The following MND1 variants were observed in gnomAD, a reference collection of about 807,000 sequenced individuals.
MND1 encodes the protein meiotic nuclear division protein 1 homolog.
MND1 carries 28 observed loss-of-function variants against 35.1 expected under a neutral mutation model. That is an observed-to-expected ratio of 0.80 (90% CI 0.59 to 1.09). MND1 has a LOEUF of 1.09. Ranked by LOEUF, MND1 falls within the 50% of genes least tolerant of loss-of-function variation. The probability of loss-of-function intolerance (pLI) is 0.00; values close to 1 mark genes in which losing one functional copy is unlikely to be tolerated. For synonymous variants in MND1, 69 were observed against 70.5 expected (o/e 0.98, Z 0.11); for missense variants, 213 against 239.6 (o/e 0.89, Z 0.73).
intron 2 of MND1, among the ~76,000 whole-genome samples, chr4:153,350,738 G>T (rs1405171774): frequency 6.6e-6 from 1 of 152,098 alleles, no homozygotes; most frequent in Admixed American, 6.5e-5. Flanking sequence ...ACTGTTACTG[G>T]AAGGCTTTTC....
At chr4:153,390,935 G>T (rs992673420) in intron 4 of MND1, among the ~76,000 whole-genome samples, 2 of 145,874 alleles carry the variant, frequency 1.4e-5, no homozygotes, top group Non-Finnish European at 3.0e-5. Context: ...GTGTGTGTGT[G>T]TGTGTGTATA....
intron 4 of MND1, among the ~76,000 whole-genome samples, chr4:153,369,716 G>A (rs1186733104): frequency 6.6e-6 from 1 of 152,088 alleles, no homozygotes; most frequent in Non-Finnish European, 1.5e-5. Flanking sequence ...GATGGCTATA[G>A]TCGTTTTTTA....
At chr4:153,381,060 C>T (rs191055210) in intron 4 of MND1, among the ~76,000 whole-genome samples, 18 of 152,074 alleles carry the variant, frequency 1.2e-4, no homozygotes, top group Admixed American at 3.3e-4. Context: ...CCACCACACC[C>T]GGCTAATTTT....
At chr4:153,397,544 C>G (rs142801495) in intron 6 of MND1, among the ~76,000 whole-genome samples, 4 of 152,138 alleles carry the variant, frequency 2.6e-5, no homozygotes, top group African/African-American at 9.6e-5. Flanking sequence ...GTGCCGGGCA[C>G]GTTGGCTTAT....
In MND1 at chr4:153,397,169, A is replaced by G. The variant is rs138565960; in HGVS notation, c.352-50A>G. ...GTTATAAAATGTATTACCTTACAAC[A>G]TATAGAATTTTGTTTGTCTTAATTG... is the stretch of plus-strand genomic sequence containing the variant. On this transcript the variant is annotated intron_variant, in intron 5 of 7. Coordinates refer to ENST00000240488, the MANE Select transcript of MND1 (RefSeq NM_032117.4). The G allele has an allele frequency of 1.4e-5, 18 of 1,272,308 alleles. No individual in the cohort carries two copies. The East Asian group carries it at 2.4e-4, about 17-fold the overall frequency. The allele number at this position is 1,272,308 out of a possible 1,614,324, so 78.8% of individuals were successfully genotyped here.
intron 4 of MND1, among the ~76,000 whole-genome samples, chr4:153,387,344 C>T (rs183448577): frequency 1.4e-4 from 21 of 152,092 alleles, no homozygotes; most frequent in Non-Finnish European, 2.9e-4. Context: ...TTCTCTATTG[C>T]TGAGACAGGT....
At chr4:153,381,403 G>A in intron 4 of MND1, among the ~76,000 whole-genome samples, 1 of 151,168 alleles carries the variant, frequency 6.6e-6, no homozygotes, top group Non-Finnish European at 1.5e-5. Context: ...GTTTGTGGCA[G>A]CCATTCTTCA....
chr4:153,390,897 GTGTGTGTGTGTGTGTGTGTATA>G (rs1218985200), intron 4 of MND1, among the ~76,000 whole-genome samples: 139 of 136,544 alleles, frequency 1.0e-3, no homozygotes, highest in East Asian at 3.6e-3. Context: ...ATATGTGTGT[GTGTGTGTGTGTGTGTGTGTATA>G]TGTGTGTGTG....
intron 4 of MND1, among the ~76,000 whole-genome samples, chr4:153,364,908 C>G (rs545868701): frequency 6.6e-6 from 1 of 152,020 alleles, no homozygotes; most frequent in African/African-American, 2.4e-5. Flanking sequence ...AATGGATGAA[C>G]CTTGAGGGCA....
intron 4 of MND1, among the ~76,000 whole-genome samples, chr4:153,374,020 C>T (rs1054440709): frequency 1.3e-5 from 2 of 152,162 alleles, no homozygotes; most frequent in Non-Finnish European, 1.5e-5. Context: ...GAAATCACAG[C>T]TTCACTTCTT....
At chr4:153,413,100 C>T (rs1457791368) in intron 7 of MND1, among the ~76,000 whole-genome samples, 2 of 152,112 alleles carry the variant, frequency 1.3e-5, no homozygotes, top group Non-Finnish European at 2.9e-5. Flanking sequence ...CCAATGACCT[C>T]ATTTTAACTT....
chr4:153,395,501 G>A (rs910527775), intron 5 of MND1, among the ~76,000 whole-genome samples: 1 of 152,146 alleles, frequency 6.6e-6, no homozygotes, highest in African/African-American at 2.4e-5. Flanking sequence ...TGCTCATCCT[G>A]ATCTTACCAG....
chr4:153,403,870 ATCC>A, intron 6 of MND1, among the ~76,000 whole-genome samples: 1 of 152,174 alleles, frequency 6.6e-6, no homozygotes, highest in East Asian at 1.9e-4. Flanking sequence ...GGCTCAAGCA[ATCC>A]TCCTGCCTCA....
intron 4 of MND1, among the ~76,000 whole-genome samples, chr4:153,390,855 A>T (rs1245843765): frequency 6.6e-6 from 1 of 151,638 alleles, no homozygotes; most frequent in Non-Finnish European, 1.5e-5. Context: ...ACAAAAAAAC[A>T]GAACCAGCCC....
chr4:153,362,294 G>A (rs1018529660), intron 4 of MND1, among the ~76,000 whole-genome samples: 1 of 152,174 alleles, frequency 6.6e-6, no homozygotes. Flanking sequence ...TGGAGGTGGG[G>A]CCTGATGGCA....
intron 4 of MND1, among the ~76,000 whole-genome samples, chr4:153,365,698 C>T (rs1357788842): frequency 6.6e-6 from 1 of 152,044 alleles, no homozygotes; most frequent in African/African-American, 2.4e-5. Context: ...CTCCTGGGCT[C>T]AAGCAGTCCT....
chr4:153,370,582 C>T (rs769183243), intron 4 of MND1, among the ~76,000 whole-genome samples: 80 of 152,078 alleles, frequency 5.3e-4, no homozygotes, highest in Middle Eastern at 3.4e-3. Context: ...TGCAGTGGCG[C>T]GATCCTAGCT....
rs1051257866 is a variant in MND1, at chr4:153,414,740, T to G, written c.512-11T>G. 6 of 1,217,062 alleles carry G rather than the reference T, an allele frequency of 4.9e-6. No homozygotes were observed. The highest frequency in any genetic ancestry group is 7.0e-6 in the Non-Finnish European group (6 of 859,850). The allele number at this position is 1,217,062 out of a possible 1,614,324, so 75.4% of individuals were successfully genotyped here. A position where few individuals can be genotyped will look rare whatever the true frequency, so the allele number is the denominator to read the frequency against. ...GTTTTTCTCAAAATTATTTCTCAAT[T>G]TTCTTTATAGATAACATATTCGCAA... On this transcript the variant is annotated splice_polypyrimidine_tract_variant and intron_variant, in intron 7 of 7. Coordinates refer to ENST00000240488, the MANE Select transcript of MND1 (RefSeq NM_032117.4).
intron 4 of MND1, among the ~76,000 whole-genome samples, chr4:153,372,841 C>CAGTT (rs2149641454): frequency 6.6e-6 from 1 of 152,146 alleles, no homozygotes; most frequent in Non-Finnish European, 1.5e-5. Flanking sequence ...GAATATACAA[C>CAGTT]AGTTTATTGA....
Sources: allele counts gnomAD v4.1 joint callset (sites outside exome capture counted in the v4.1 genomes callset), GRCh38; gene constraint gnomAD v4.1.1; transcripts MANE v1.5; gene names NCBI Gene and HGNC (gene_info 2026-07-23, HGNC 2026-07-21).